The following ASCC1 variants were observed in gnomAD, a reference collection of about 807,000 sequenced individuals.
ASCC1 encodes the protein activating signal cointegrator 1 complex subunit 1.
ASCC1 carries 35 observed loss-of-function variants against 46.6 expected under a neutral mutation model. That is an observed-to-expected ratio of 0.75 (90% CI 0.57 to 0.99). ASCC1 has a LOEUF of 0.99. Among genes scored for constraint, ASCC1 ranks in the 50% least tolerant of loss-of-function variants. The pLI is 0.00. For synonymous variants in ASCC1, 143 were observed against 146.6 expected (o/e 0.98, Z 0.18); for missense variants, 376 against 428.7 (o/e 0.88, Z 1.09).
chr10:72,198,748 A>G (rs923543850), intron 4 of ASCC1: 1 of 453,508 alleles, frequency 2.2e-6, no homozygotes, highest in African/African-American at 2.0e-5. Context: ...TCACATCACA[A>G]TTCAATTTAC....
rs890370765 is a variant in ASCC1, at chr10:72,206,713, C to T, written c.213-3189G>A. 3.9e-5 allele frequency among the ~76,000 whole-genome samples: 6 copies of T among 152,210 alleles called. No individual in the cohort carries two copies. The South Asian group carries it at 8.3e-4, about 21-fold the overall frequency. On this transcript the variant is annotated intron_variant, in intron 3 of 9. Coordinates refer to ENST00000672957, the MANE Select transcript of ASCC1 (RefSeq NM_001198800.3). ...ATTCATTCCAACCCAGAGATTCATT[C>T]CTTTATCTATGAGGAACATCTGAAT...
chr10:72,207,306 C>T (rs1659566795), intron 3 of ASCC1, among the ~76,000 whole-genome samples: 1 of 152,012 alleles, frequency 6.6e-6, no homozygotes, highest in South Asian at 2.1e-4. Context: ...CCCAGCTACT[C>T]GGGAGGCCGA....
intron 7 of ASCC1, among the ~76,000 whole-genome samples, chr10:72,146,188 T>A (rs1847606251): frequency 1.3e-5 from 2 of 152,182 alleles, no homozygotes; most frequent in Non-Finnish European, 2.9e-5. Flanking sequence ...GGCATCTCAA[T>A]CACAGCCTCA....
intron 7 of ASCC1, among the ~76,000 whole-genome samples, chr10:72,141,080 GAT>G (rs1554829970): frequency 7.1e-6 from 1 of 141,022 alleles, no homozygotes. Flanking sequence ...TAGATAGATA[GAT>G]AGATATAGAT....
At chr10:72,129,116 G>A (rs894525894) in intron 8 of ASCC1, among the ~76,000 whole-genome samples, 5 of 152,194 alleles carry the variant, frequency 3.3e-5, no homozygotes, top group African/African-American at 9.7e-5. Context: ...ATACATTTCA[G>A]CTAGCCCACT....
At chr10:72,107,312 C>CCA (rs1554824502) in intron 9 of ASCC1, among the ~76,000 whole-genome samples, 70 of 146,614 alleles carry the variant, frequency 4.8e-4, no homozygotes, top group East Asian at 1.4e-3. Context: ...ACCCCCCCCC[C>CCA]AAAAAAATAA....
At chr10:72,171,310 A>T (rs1321641284) in intron 5 of ASCC1, among the ~76,000 whole-genome samples, 2 of 152,134 alleles carry the variant, frequency 1.3e-5, no homozygotes, top group Non-Finnish European at 2.9e-5. Flanking sequence ...AGGGCAAATC[A>T]CTTCCTTGAG....
intron 6 of ASCC1, among the ~76,000 whole-genome samples, chr10:72,161,037 T>C (rs1036629619): frequency 1.3e-5 from 2 of 151,780 alleles, no homozygotes; most frequent in South Asian, 2.1e-4. Context: ...GAGCCGAGAT[T>C]GCGCCACTGC....
intron 9 of ASCC1, among the ~76,000 whole-genome samples, chr10:72,120,500 G>C (rs905795442): frequency 1.2e-4 from 18 of 150,866 alleles, no homozygotes; most frequent in Non-Finnish European, 2.1e-4. Flanking sequence ...AACAATATTT[G>C]AAGGAATAAA....
chr10:72,180,974 C>CT (rs1337717351), intron 5 of ASCC1: 124 of 168,746 alleles, frequency 7.3e-4, no homozygotes, highest in East Asian at 2.7e-3. Context: ...ATTCATTTGC[C>CT]TTTTTTTTTG....
At chr10:72,131,870 T>TA (rs1389670037) in intron 8 of ASCC1, among the ~76,000 whole-genome samples, 2 of 144,078 alleles carry the variant, frequency 1.4e-5, no homozygotes, top group African/African-American at 5.3e-5. Context: ...CTCCTCTAGA[T>TA]AGATTTTTTT....
chr10:72,097,255 G>T lies in ASCC1; in HGVS notation c.*79C>A. 1 of 1,001,304 alleles carries T rather than the reference G, an allele frequency of 1.0e-6. No individual in the cohort carries two copies. The highest frequency in any genetic ancestry group is 1.6e-6 in the Non-Finnish European group (1 of 627,488). The allele number at this position is 1,001,304 out of a possible 1,614,324, so 62.0% of individuals were successfully genotyped here. ...TCACCATCCAAATGTCCACATCCCT[G>T]CTTGGCAATTAAAACGAAGACACTT... On this transcript the variant is annotated 3_prime_UTR_variant, in exon 10 of 10. Transcript: ENST00000672957.
At chr10:72,178,749 T>C (rs146033817) in intron 5 of ASCC1, among the ~76,000 whole-genome samples, 3 of 152,214 alleles carry the variant, frequency 2.0e-5, no homozygotes, top group East Asian at 3.9e-4. Context: ...GCTGCTACGA[T>C]TGTGGTAATT....
chr10:72,107,766 A>C lies in ASCC1; in HGVS notation c.958-10316T>G, dbSNP rs568109648. On this transcript the variant is annotated intron_variant, in intron 9 of 9. Transcript: ENST00000672957. ...TGTGAAAATAAGTAATTCAAAATCT[A>C]AGCTGTTGGAATCTTAACATATTGT... 3.9e-5 allele frequency among the ~76,000 whole-genome samples: 6 copies of C among 152,366 alleles called. No homozygotes were observed. In the South Asian group the frequency reaches 8.3e-4, roughly 21 times the overall value.
chr10:72,214,126 G>A (rs952288406), intron 1 of ASCC1, among the ~76,000 whole-genome samples: 1 of 152,082 alleles, frequency 6.6e-6, no homozygotes, highest in African/African-American at 2.4e-5. Context: ...GTTGAGGAAG[G>A]AGGACTGCTT....
At chr10:72,182,213 C>A (rs919288553) in intron 5 of ASCC1, among the ~76,000 whole-genome samples, 8 of 152,144 alleles carry the variant, frequency 5.3e-5, no homozygotes, top group African/African-American at 1.9e-4. Context: ...TAAGAAGTTG[C>A]AGGAACCAAA....
intron 4 of ASCC1, among the ~76,000 whole-genome samples, chr10:72,197,258 T>C (rs1855576019): frequency 6.6e-6 from 1 of 151,360 alleles, no homozygotes; most frequent in South Asian, 2.1e-4. Flanking sequence ...GATCACGAGG[T>C]CAGGAGATCG....
Position 72,096,979 on chromosome 10 carries a change from G to A in ASCC1, c.*355C>T, listed in dbSNP as rs374324016. ...TGAGAAGCCTATGGAGATGGACGGC[G>A]GTGACGGCCACACAGCATTATGAAT... On this transcript the variant is annotated 3_prime_UTR_variant, in exon 10 of 10. Transcript: ENST00000672957. 5 of 455,018 alleles carry A rather than the reference G, an allele frequency of 1.1e-5. No individual in the cohort carries two copies. Among genetic ancestry groups the A allele is most frequent in the African/African-American group, 4.0e-5 (2 of 49,996 alleles). 28.2% of individuals were successfully genotyped at this position (455,018 alleles called of 1,614,324 possible). A position where few individuals can be genotyped will look rare whatever the true frequency, so the allele number is the denominator to read the frequency against.
At chr10:72,162,357 G>A (rs373579556) in intron 5 of ASCC1, among the ~76,000 whole-genome samples, 33 of 152,002 alleles carry the variant, frequency 2.2e-4, no homozygotes, top group African/African-American at 7.7e-4. Flanking sequence ...ATTTTTAGTA[G>A]AGAACAGGGT....
Sources: gnomAD v4.1 joint callset for allele counts (sites outside exome capture counted in the v4.1 genomes callset) on GRCh38, gnomAD v4.1.1 for gene constraint, MANE v1.5 for transcripts, NCBI Gene and HGNC (gene_info 2026-07-23, HGNC 2026-07-21) for gene names.